The following PVALB variants were observed in gnomAD, a reference collection of about 807,000 sequenced individuals.
PVALB encodes the protein parvalbumin alpha.
A neutral mutation model predicts 10.9 loss-of-function variants in PVALB; 11 were observed. That is an observed-to-expected ratio of 1.01 (90% CI 0.63 to 1.67). The LOEUF (loss-of-function observed/expected upper bound fraction) is 1.67. Among genes scored for constraint, PVALB ranks in the 40% most tolerant of loss-of-function variants. The pLI is 0.00. For synonymous variants in PVALB, 57 were observed against 50.7 expected, an observed-to-expected ratio of 1.12 and a Z score of -0.53; for missense variants, 131 against 136.2, an observed-to-expected ratio of 0.96 and a Z score of 0.19.
rs1475850804 is a variant in PVALB at position 36,800,936 on chromosome 22, A to G, written c.305-18T>C. The G allele has an allele frequency of 6.2e-7, 1 of 1,606,240 alleles. No individual in the cohort carries two copies. The highest frequency in any genetic ancestry group is 1.7e-5 in the Admixed American group (1 of 59,992). On this transcript the variant is annotated intron_variant, in intron 3 of 3. Transcript: ENST00000417718. ...GGAGAATTCTGCAGAACAAAATGAC[A>G]AGGAAAGTGAGTCAGAGGCGGGGAT... is the stretch of plus-strand genomic sequence containing the variant.
chr22:36,811,624 C>T, intron 3 of PVALB: 1 of 444,728 alleles, frequency 2.2e-6, no homozygotes, highest in Admixed American at 2.4e-5. Flanking sequence ...TTCTCTTCAT[C>T]AGGTAGGTTT....
chr22:36,809,000 AG>A (rs1939006007), intron 3 of PVALB, among the ~76,000 whole-genome samples: 1 of 152,164 alleles, frequency 6.6e-6, no homozygotes, highest in African/African-American at 2.4e-5. Context: ...GGGAATGCAA[AG>A]GGTTATTATT....
intron 3 of PVALB, among the ~76,000 whole-genome samples, chr22:36,808,755 A>C (rs954144565): frequency 6.6e-6 from 1 of 152,124 alleles, no homozygotes; most frequent in African/African-American, 2.4e-5. Flanking sequence ...TTGAAAAGCC[A>C]CCTGCCACAT....
intron 3 of PVALB, among the ~76,000 whole-genome samples, chr22:36,807,431 G>A (rs909157583): frequency 6.6e-6 from 1 of 152,202 alleles, no homozygotes; most frequent in Admixed American, 6.5e-5. Flanking sequence ...AATCCCCATA[G>A]AGGCCGGAGG....
At chr22:36,810,606 C>T (rs1355923434) in intron 3 of PVALB, among the ~76,000 whole-genome samples, 1 of 152,220 alleles carries the variant, frequency 6.6e-6, no homozygotes, top group East Asian at 1.9e-4. Flanking sequence ...CTGACACTTG[C>T]TGGCATTGTG....
intron 3 of PVALB, among the ~76,000 whole-genome samples, chr22:36,804,456 G>A (rs7287999): frequency 0.016 from 2,478 of 152,282 alleles, 76 homozygotes; most frequent in African/African-American, 0.056. Context: ...CAGAGAACAC[G>A]GAATTCTAAT....
intron 3 of PVALB, among the ~76,000 whole-genome samples, chr22:36,806,005 C>T (rs1369342807): frequency 2.0e-5 from 3 of 152,220 alleles, no homozygotes; most frequent in African/African-American, 7.2e-5. Context: ...TCAGTTTCCT[C>T]ATCTATAAAA....
intron 3 of PVALB, chr22:36,811,536 G>GTTTA (rs1376927531): frequency 6.5e-6 from 3 of 459,586 alleles, no homozygotes; most frequent in African/African-American, 6.2e-5. Context: ...TGTTAGAAGA[G>GTTTA]TTTAGTTGAT....
At chr22:36,814,268 A>AGTGT (rs36215449) in intron 2 of PVALB, among the ~76,000 whole-genome samples, 35 of 148,150 alleles carry the variant, frequency 2.4e-4, no homozygotes, top group South Asian at 8.7e-4. Flanking sequence ...AGCCTCTGTG[A>AGTGT]GTGTGTGTGT....
rs556382804 is a variant in PVALB at position 36,805,053 on chromosome 22, G to A, written c.305-4135C>T. Among the ~76,000 whole-genome samples the A allele has an allele frequency of 1.6e-4, 25 of 152,320 alleles. No individual in the cohort carries two copies. In the South Asian group the frequency reaches 3.5e-3, roughly 21 times the overall value. Reference sequence around the variant, plus strand: ...ATGGGGAATGTAGCTTTGAATGGTCGGGTTCTAGTCTTGGCTTTGCCATCT... The same window carrying A: ...ATGGGGAATGTAGCTTTGAATGGTCAGGTTCTAGTCTTGGCTTTGCCATCT... On this transcript the variant is annotated intron_variant, in intron 3 of 3. Transcript: ENST00000417718.
chr22:36,813,772 A>T lies in PVALB; in HGVS notation c.195-17T>A. On this transcript the variant is annotated splice_polypyrimidine_tract_variant and intron_variant, in intron 2 of 3. Coordinates refer to ENST00000417718, the MANE Select transcript of PVALB (RefSeq NM_001315532.2). The stretch of plus-strand genomic sequence containing the variant: ...AGGATGAATCTGGAGGAGAAAAGGG[A>T]GAAAGCCGGTGAGGGAGTCAGGCCG... 1 of 1,594,016 alleles carries T rather than the reference A, an allele frequency of 6.3e-7. No homozygotes were observed. The highest frequency in any genetic ancestry group is 8.6e-7 in the Non-Finnish European group (1 of 1,161,874).
rs182244732 is a variant in PVALB at position 36,807,920 on chromosome 22, G to C, written c.304+5726C>G. On this transcript the variant is annotated intron_variant, in intron 3 of 3. Coordinates refer to ENST00000417718, the MANE Select transcript of PVALB (RefSeq NM_001315532.2). ...GGCATGCGAGTGAGTGGCAAGGGGT[G>C]GGGGGGTTGCAAGGTTAGGCAATAA... Among the ~76,000 whole-genome samples, 98 of 152,276 alleles carry C rather than the reference G, an allele frequency of 6.4e-4. 1 individual carries two copies. Among genetic ancestry groups the C allele is most frequent in the African/African-American group, 2.2e-3 (90 of 41,548 alleles).
chr22:36,806,443 A>C (rs950593082), intron 3 of PVALB, among the ~76,000 whole-genome samples: 3 of 152,270 alleles, frequency 2.0e-5, no homozygotes, highest in African/African-American at 7.2e-5. Context: ...GGATTGGACA[A>C]ATTTAGAAGC....
intron 3 of PVALB, among the ~76,000 whole-genome samples, chr22:36,810,042 G>T (rs1470128921): frequency 6.6e-6 from 1 of 151,996 alleles, no homozygotes; most frequent in East Asian, 1.9e-4. Context: ...GTGCCACCAC[G>T]CCTGGCTAAT....
At chr22:36,801,318 T>C (rs1938860209) in intron 3 of PVALB, among the ~76,000 whole-genome samples, 1 of 152,234 alleles carries the variant, frequency 6.6e-6, no homozygotes, top group Admixed American at 6.5e-5. Context: ...GCATTGTTCC[T>C]GTTCTACAGA....
chr22:36,816,689 C>T (rs896466946), intron 1 of PVALB, among the ~76,000 whole-genome samples: 5 of 152,228 alleles, frequency 3.3e-5, no homozygotes, highest in Non-Finnish European at 7.4e-5. Context: ...CTCCCAGCCA[C>T]CGGGCCTTCA....
chr22:36,813,785 G>C (rs201814592), intron 2 of PVALB, 30 bp from the exon 3 acceptor site: 5 of 1,566,252 alleles, frequency 3.2e-6, no homozygotes, highest in African/African-American at 2.7e-5. Flanking sequence ...AAGCCGGTGA[G>C]GGAGTCAGGC....
upstream of PVALB, among the ~76,000 whole-genome samples, chr22:36,817,949 C>G (rs916946840): frequency 2.6e-5 from 4 of 152,108 alleles, no homozygotes; most frequent in African/African-American, 9.7e-5. Flanking sequence ...ACCACACTTT[C>G]TAGACAACCT....
chr22:36,815,434 G>A (rs945065430), intron 1 of PVALB, 199 bp from the exon 2 acceptor site: 8 of 687,280 alleles, frequency 1.2e-5, no homozygotes, highest in African/African-American at 9.0e-5. Context: ...GCTGGGAGTG[G>A]AAGAGGTGTG....
Sources: allele counts gnomAD v4.1 joint callset (sites outside exome capture counted in the v4.1 genomes callset), GRCh38; gene constraint gnomAD v4.1.1; transcripts MANE v1.5; gene names NCBI Gene and HGNC (gene_info 2026-07-23, HGNC 2026-07-21).